Variants in HAO1 observed in about 807,000 individuals in gnomAD.
The protein encoded by HAO1 is hydroxyacid oxidase 1, also known as 2-Hydroxyacid oxidase 1.
A neutral mutation model predicts 39.7 loss-of-function variants in HAO1; 34 were observed. That is an observed-to-expected ratio of 0.86 (90% CI 0.65 to 1.14). HAO1 has a LOEUF of 1.14. HAO1 is among the 50% of genes most tolerant of loss of function. The pLI, the probability that HAO1 is intolerant of heterozygous loss-of-function variation, is 0.00. For missense variants in HAO1, 479 were observed against 464.5 expected, an observed-to-expected ratio of 1.03 and a Z score of -0.29; for synonymous variants, 172 against 173.2, an observed-to-expected ratio of 0.99 and a Z score of 0.05.
In HAO1 at chr20:7,893,157, A is replaced by G. The variant is rs778825976; in HGVS notation, c.813+1976T>C. 3.2e-4 allele frequency among the ~76,000 whole-genome samples: 49 copies of G among 152,272 alleles called. 1 individual carries two copies. The highest frequency in any genetic ancestry group is 6.2e-4 in the South Asian group (3 of 4,826). ...CTTCCTTATCTATCCAGGCAGATGCATTTCCCAAAACTCTCCCACTCCCAC... is the reference window on the plus strand; with the variant it reads ...CTTCCTTATCTATCCAGGCAGATGCGTTTCCCAAAACTCTCCCACTCCCAC... On this transcript the variant is annotated intron_variant, in intron 5 of 7. Transcript: ENST00000378789.
At chr20:7,895,023 C>A in intron 5 of HAO1, 110 bp downstream of exon 5, 1 of 741,536 alleles carries the variant, frequency 1.3e-6, no homozygotes, top group Admixed American at 1.9e-5. Flanking sequence ...CGTATTTCAC[C>A]TTGAGTGATT....
chr20:7,900,787 A>T (rs749741485), intron 4 of HAO1, among the ~76,000 whole-genome samples: 15 of 152,194 alleles, frequency 9.9e-5, no homozygotes, highest in Non-Finnish European at 1.9e-4. Context: ...CTTTAAATTA[A>T]AAACCAGAAA....
At chr20:7,890,450 G>A (rs1403530213) in intron 5 of HAO1, among the ~76,000 whole-genome samples, 3 of 152,110 alleles carry the variant, frequency 2.0e-5, no homozygotes, top group Non-Finnish European at 4.4e-5. Context: ...CTGACCTCAG[G>A]TGATCTGCCC....
At chr20:7,892,901 G>T (rs1411216169) in intron 5 of HAO1, among the ~76,000 whole-genome samples, 1 of 152,134 alleles carries the variant, frequency 6.6e-6, no homozygotes, top group Non-Finnish European at 1.5e-5. Flanking sequence ...CAGTTGAAAG[G>T]TTTAAATTTT....
At chr20:7,921,967 A>AG (rs1279241230) in intron 2 of HAO1, among the ~76,000 whole-genome samples, 1 of 151,984 alleles carries the variant, frequency 6.6e-6, no homozygotes, top group Admixed American at 6.6e-5. Flanking sequence ...TGGGGTTGGG[A>AG]GGGGGAAAAG....
At chr20:7,919,970 A>G (rs922566758) in intron 2 of HAO1, among the ~76,000 whole-genome samples, 10 of 152,116 alleles carry the variant, frequency 6.6e-5, no homozygotes, top group Admixed American at 4.6e-4. Flanking sequence ...TATACATTGC[A>G]GACAAATTTA....
At chr20:7,935,485 T>G (rs1644002823) in intron 1 of HAO1, among the ~76,000 whole-genome samples, 1 of 152,224 alleles carries the variant, frequency 6.6e-6, no homozygotes, top group Non-Finnish European at 1.5e-5. Flanking sequence ...GGCAATTACT[T>G]TTAAAATTAT....
At chr20:7,927,524 C>A (rs185159705) in intron 2 of HAO1, among the ~76,000 whole-genome samples, 74 of 152,100 alleles carry the variant, frequency 4.9e-4, no homozygotes, top group Admixed American at 4.5e-3. Context: ...ATTTTTTATT[C>A]GTAACACAGT....
At chr20:7,909,363 A>ATATATATATATATATATATATG (rs2050264942) in intron 3 of HAO1, among the ~76,000 whole-genome samples, 2 of 93,784 alleles carry the variant, frequency 2.1e-5, no homozygotes, top group African/African-American at 1.3e-4. Context: ...ATTATGACAT[A>ATATATATATATATATATATATG]TATATATATA....
At chr20:7,884,817 A>G (rs1482858472) in intron 7 of HAO1, among the ~76,000 whole-genome samples, 1 of 152,174 alleles carries the variant, frequency 6.6e-6, no homozygotes, top group Non-Finnish European at 1.5e-5. Flanking sequence ...CTGATCAGAA[A>G]AGTAACATGA....
At chr20:7,888,411 G>T (rs1311824735) in intron 5 of HAO1, among the ~76,000 whole-genome samples, 3 of 151,656 alleles carry the variant, frequency 2.0e-5, no homozygotes, top group Non-Finnish European at 2.9e-5. Context: ...TCTTCCTATT[G>T]CATCGGTTGT....
intron 1 of HAO1, among the ~76,000 whole-genome samples, chr20:7,935,754 T>C (rs2050407164): frequency 6.6e-6 from 1 of 152,208 alleles, no homozygotes; most frequent in African/African-American, 2.4e-5. Flanking sequence ...GAAGAACTAG[T>C]TCTCTTTCCT....
chr20:7,886,214 C>G (rs751160106), intron 5 of HAO1, among the ~76,000 whole-genome samples: 1 of 151,880 alleles, frequency 6.6e-6, no homozygotes, highest in African/African-American at 2.4e-5. Context: ...TGCTCTGTCC[C>G]CCAGGCTGGA....
intron 2 of HAO1, among the ~76,000 whole-genome samples, chr20:7,927,515 T>C (rs1227689293): frequency 6.6e-6 from 1 of 152,172 alleles, no homozygotes; most frequent in East Asian, 1.9e-4. Flanking sequence ...TTGAATCAAA[T>C]TTTTTATTCG....
rs910042846 is a variant in HAO1 at position 7,923,466 on chromosome 20, G to A, written c.290-9047C>T. 2.6e-5 allele frequency among the ~76,000 whole-genome samples: 4 copies of A among 152,134 alleles called. 1 individual carries two copies. Among genetic ancestry groups the A allele is most frequent in the Admixed American group, 2.6e-4 (4 of 15,268 alleles). On this transcript the variant is annotated intron_variant, in intron 2 of 7. Coordinates refer to ENST00000378789, the MANE Select transcript of HAO1 (RefSeq NM_017545.3). ...CTGCATACTAAGCCTGCCTGTCCCA[G>A]GTTTTTATCAAAGACTACTGTGAAC... is the stretch of plus-strand genomic sequence containing the variant.
chr20:7,916,850 T>C (rs1187484634), intron 2 of HAO1, among the ~76,000 whole-genome samples: 1 of 152,184 alleles, frequency 6.6e-6, no homozygotes, highest in East Asian at 1.9e-4. Flanking sequence ...TAGGAATTCA[T>C]GACTGGCAAA....
chr20:7,935,421 G>A (rs1431371809), intron 1 of HAO1, among the ~76,000 whole-genome samples: 1 of 152,132 alleles, frequency 6.6e-6, no homozygotes, highest in Admixed American at 6.5e-5. Context: ...TAGAGTTTAA[G>A]AAGATATGCT....
intron 5 of HAO1, 76 bp downstream of exon 5, chr20:7,895,057 G>T: frequency 1.1e-6 from 1 of 907,380 alleles, no homozygotes; most frequent in South Asian, 1.3e-5. Context: ...ACAGAGAGGA[G>T]GAAGACATAG....
intron 1 of HAO1, among the ~76,000 whole-genome samples, chr20:7,939,626 C>A (rs2050431592): frequency 6.6e-6 from 1 of 152,128 alleles, no homozygotes; most frequent in African/African-American, 2.4e-5. Flanking sequence ...AAAAAAAACC[C>A]TTTGAAATGA....
Sources: gnomAD v4.1 joint callset for allele counts (sites outside exome capture counted in the v4.1 genomes callset) on GRCh38, gnomAD v4.1.1 for gene constraint, MANE v1.5 for transcripts, NCBI Gene and HGNC (gene_info 2026-07-23, HGNC 2026-07-21) for gene names.